ITGA8: variants seen among roughly 807,000 people sequenced by gnomAD.
The protein encoded by ITGA8 is integrin alpha-8.
In ITGA8, 91 loss-of-function variants were observed where a neutral mutation model predicts 142.3. The observed-to-expected ratio is 0.64, with a 90% confidence interval of 0.54 to 0.76. ITGA8 has a LOEUF of 0.76. ITGA8 is among the 30% of genes least tolerant of loss of function. ITGA8 has a pLI of 0.00. For missense variants in ITGA8, 1,406 were observed against 1,327.7 expected, an observed-to-expected ratio of 1.06 and a Z score of -0.92; for synonymous variants, 505 against 485.2, an observed-to-expected ratio of 1.04 and a Z score of -0.54.
intron 13 of ITGA8, among the ~76,000 whole-genome samples, chr10:15,641,113 G>C (rs1000797387): frequency 6.6e-6 from 1 of 152,124 alleles, no homozygotes; most frequent in Non-Finnish European, 1.5e-5. Flanking sequence ...GAGTGCAGTG[G>C]CGCGATATCG....
At chr10:15,519,884 A>G (rs1833024566) in intron 28 of ITGA8, among the ~76,000 whole-genome samples, 1 of 152,160 alleles carries the variant, frequency 6.6e-6, no homozygotes, top group Non-Finnish European at 1.5e-5. Context: ...GAAATCTCTA[A>G]TCTAATCCCC....
intron 12 of ITGA8, among the ~76,000 whole-genome samples, chr10:15,645,168 T>C (rs1833957308): frequency 6.6e-6 from 1 of 151,246 alleles, no homozygotes; most frequent in Non-Finnish European, 1.5e-5. Context: ...TTGTCTTGTG[T>C]CAGGCGAAAA....
chr10:15,527,104 A>G (rs376562269), intron 28 of ITGA8, among the ~76,000 whole-genome samples: 1 of 152,210 alleles, frequency 6.6e-6, no homozygotes, highest in African/African-American at 2.4e-5. Context: ...ACGTACCAAG[A>G]CACCCTACCT....
rs1334598781 is a variant in ITGA8 at position 15,558,144 on chromosome 10, A to G, written c.2696T>C (p.Ile899Thr). 1 of 1,614,170 alleles carries G rather than the reference A, an allele frequency of 6.2e-7. No homozygotes were observed. Among genetic ancestry groups the G allele is most frequent in the Non-Finnish European group, 8.5e-7 (1 of 1,180,012 alleles). Residue 899 changes from isoleucine to threonine, a missense_variant, in exon 26 of 30, where the codon ATT (isoleucine) becomes ACT (threonine). Physicochemically the swap from Ile to Thr is moderately conservative, Grantham distance 89. Transcript: ENST00000378076. ...ATCCCTCTTCCTGACAAGATGAGGA[A>G]TAGTAGAGTTTCGCAAAAAGGCGCT... ...ELSAFLRNSTIPHLVRKRDVH... is the reference protein window; with the variant it reads ...ELSAFLRNSTTPHLVRKRDVH...
chr10:15,533,466 G>T (rs970608549), intron 27 of ITGA8, among the ~76,000 whole-genome samples: 12 of 152,284 alleles, frequency 7.9e-5, no homozygotes, highest in Admixed American at 3.9e-4. Flanking sequence ...TGTACCTGGT[G>T]ATTTCAATCT....
Position 15,620,843 on chromosome 10 carries a change from A to G in ITGA8, c.1400-4284T>C, listed in dbSNP as rs549368773. 6.6e-5 allele frequency among the ~76,000 whole-genome samples: 10 copies of G among 152,348 alleles called. No individual in the cohort carries two copies. In the East Asian group the frequency reaches 7.7e-4, roughly 12 times the overall value. On this transcript the variant is annotated intron_variant, in intron 13 of 29. Transcript: ENST00000378076. ...TATCTGTTATATATCTGTTCTATTT[A>G]TATACACATACATTTATATTTATGC...
In ITGA8 at chr10:15,527,906, C is replaced by CTTTTTTTTTTTTTT. The variant is rs34758919; in HGVS notation, c.2982+3130_2982+3143dup. On this transcript the variant is annotated intron_variant, in intron 28 of 29. Transcript: ENST00000378076. ...TTAAAGCAATTCCCTTTCGGCTGGG[C>CTTTTTTTTTTTTTT]TTTTTTTTTTTTTTTTTTTTTTTTT... 1.5e-4 allele frequency among the ~76,000 whole-genome samples: 12 copies of CTTTTTTTTTTTTTT among 78,036 alleles called. 6 individuals carry two copies. The highest frequency in any genetic ancestry group is 4.7e-5 in the Non-Finnish European group (2 of 42,608). 51.2% of individuals were successfully genotyped at this position (78,036 alleles called of 152,430 possible). A position where few individuals can be genotyped will look rare whatever the true frequency, so the allele number is the denominator to read the frequency against.
intron 23 of ITGA8, among the ~76,000 whole-genome samples, chr10:15,577,741 C>T (rs945918206): frequency 6.6e-6 from 1 of 152,004 alleles, no homozygotes; most frequent in Non-Finnish European, 1.5e-5. Context: ...AGAAATCAAG[C>T]AAGCAACACA....
chr10:15,517,275 C>G (rs765501898), intron 29 of ITGA8, 31 bp from the exon 30 acceptor site: 1 of 1,477,858 alleles, frequency 6.8e-7, no homozygotes, highest in South Asian at 1.2e-5. Context: ...TATAAAATCA[C>G]GTCATTCTGG....
At chr10:15,590,417 A>G (rs758227873) in intron 22 of ITGA8, among the ~76,000 whole-genome samples, 8 of 152,206 alleles carry the variant, frequency 5.3e-5, no homozygotes, top group Non-Finnish European at 8.8e-5. Context: ...TGTAACTTCA[A>G]CCAAGAGCGA....
At chr10:15,636,982 G>A (rs917252278) in intron 13 of ITGA8, among the ~76,000 whole-genome samples, 1 of 152,014 alleles carries the variant, frequency 6.6e-6, no homozygotes, top group Non-Finnish European at 1.5e-5. Context: ...CCATCTCTAT[G>A]AAAAATACAA....
intron 27 of ITGA8, 145 bp downstream of exon 27, chr10:15,548,310 C>T (rs1354784456): frequency 1.3e-5 from 8 of 624,084 alleles, no homozygotes; most frequent in Non-Finnish European, 2.3e-5. Flanking sequence ...CCAGGCTTGT[C>T]TCGAGCTCCT....
intron 2 of ITGA8, among the ~76,000 whole-genome samples, chr10:15,717,435 C>G (rs537947591): frequency 3.7e-4 from 57 of 152,214 alleles, no homozygotes; most frequent in African/African-American, 1.3e-3. Flanking sequence ...TATTCTTAAA[C>G]TAGAGAGCAG....
At position 15,554,176 on chromosome 10, in the gene ITGA8, C is replaced by G. The variant is rs1833843617; in HGVS notation, c.2766+3898G>C. Among the ~76,000 whole-genome samples, 3 of 151,992 alleles carry G rather than the reference C, an allele frequency of 2.0e-5. No homozygotes were observed. In the South Asian group the frequency reaches 6.2e-4, roughly 32 times the overall value. On this transcript the variant is annotated intron_variant, in intron 26 of 29. Transcript: ENST00000378076. ...TTAATTCCAGGTAAATACAGGAGTG[C>G]AGGAATGGAAAGGAAGTTAATTTAG...
intron 25 of ITGA8, among the ~76,000 whole-genome samples, chr10:15,566,147 G>A (rs1834075197): frequency 6.6e-6 from 1 of 152,092 alleles, no homozygotes; most frequent in Non-Finnish European, 1.5e-5. Flanking sequence ...CTAAAGAACG[G>A]ACGGTTTCTG....
chr10:15,548,212 C>G (rs1335474481), intron 27 of ITGA8, among the ~76,000 whole-genome samples: 1 of 151,970 alleles, frequency 6.6e-6, no homozygotes, highest in African/African-American at 2.4e-5. Flanking sequence ...ATGCCTCAGT[C>G]TCCCAAGTAG....
intron 21 of ITGA8, among the ~76,000 whole-genome samples, chr10:15,593,405 C>T (rs1832958002): frequency 6.6e-6 from 1 of 152,184 alleles, no homozygotes; most frequent in Non-Finnish European, 1.5e-5. Context: ...GGGGTAGGAG[C>T]TGTTGTTGCT....
chr10:15,657,108 C>T lies in ITGA8; in HGVS notation c.949-1702G>A, dbSNP rs148312111. On this transcript the variant is annotated intron_variant, in intron 10 of 29. Coordinates refer to ENST00000378076, the MANE Select transcript of ITGA8 (RefSeq NM_003638.3). Reference sequence around the variant, plus strand: ...TGGCCTTTACTCAGAGGAATTTCATCATTTATGAAATTTCATCATTTATCA... The same window carrying T: ...TGGCCTTTACTCAGAGGAATTTCATTATTTATGAAATTTCATCATTTATCA... 1.9e-3 allele frequency among the ~76,000 whole-genome samples: 283 copies of T among 152,244 alleles called. 2 individuals carry two copies. The highest frequency in any genetic ancestry group is 6.5e-3 in the African/African-American group (272 of 41,544).
At chr10:15,602,631 A>G (rs1833124216) in intron 20 of ITGA8, among the ~76,000 whole-genome samples, 1 of 151,972 alleles carries the variant, frequency 6.6e-6, no homozygotes, top group Non-Finnish European at 1.5e-5. Context: ...CTAGCTACTC[A>G]GGAGGCTGAG....
Sources: gnomAD v4.1 joint callset for allele counts (sites outside exome capture counted in the v4.1 genomes callset) on GRCh38, gnomAD v4.1.1 for gene constraint, MANE v1.5 for transcripts, NCBI Gene and HGNC (gene_info 2026-07-23, HGNC 2026-07-21) for gene names.